The following DLC1 variants were observed in gnomAD, a reference collection of about 807,000 sequenced individuals.
DLC1 encodes the protein rho GTPase-activating protein 7.
Under a neutral mutation model 140.3 loss-of-function variants are expected in DLC1, and 54 were observed. That is an observed-to-expected ratio of 0.38 (90% CI 0.31 to 0.48). The LOEUF (loss-of-function observed/expected upper bound fraction) is 0.48, where lower values mean the gene tolerates loss of function less well. Among genes scored for constraint, DLC1 ranks in the 20% least tolerant of loss-of-function variants. DLC1 has a pLI of 0.96. For synonymous variants in DLC1, 986 were observed against 728.1 expected, an observed-to-expected ratio of 1.35 and a Z score of -5.70; for missense variants, 2,536 against 1,907.0, an observed-to-expected ratio of 1.33 and a Z score of -6.14.
intron 4 of DLC1, among the ~76,000 whole-genome samples, chr8:13,313,238 C>G (rs1356674894): frequency 6.6e-6 from 1 of 152,136 alleles, no homozygotes; most frequent in African/African-American, 2.4e-5. Context: ...TCCTCGTGTG[C>G]CTAGGTCTAG....
At chr8:13,353,444 G>A (rs751086041) in intron 4 of DLC1, 6 of 151,956 alleles carry the variant, frequency 3.9e-5, no homozygotes, top group Non-Finnish European at 5.9e-5. Context: ...ACTAGAGTGG[G>A]AATGAGTGTG....
At chr8:13,460,399 C>A (rs1799606223) in intron 2 of DLC1, among the ~76,000 whole-genome samples, 2 of 152,222 alleles carry the variant, frequency 1.3e-5, no homozygotes, top group African/African-American at 4.8e-5. Context: ...AAGCTCACTG[C>A]ACGTGTTCTG....
Position 13,304,357 on chromosome 8 carries a change from A to G in DLC1, c.1348+912T>C, listed in dbSNP as rs569001914. ...CTTTTCAACATTATTAAAGTGAAGA[A>G]ACGAGATACAGCCTAAACATGAGAG... On this transcript the variant is annotated intron_variant, in intron 5 of 17. Transcript: ENST00000276297. Among the ~76,000 whole-genome samples the G allele has an allele frequency of 2.0e-5, 3 of 152,316 alleles. No homozygotes were observed. In the East Asian group the frequency reaches 5.8e-4, roughly 29 times the overall value.
chr8:13,296,544 C>G (rs755305532), intron 5 of DLC1, among the ~76,000 whole-genome samples: 2 of 152,104 alleles, frequency 1.3e-5, no homozygotes, highest in Non-Finnish European at 2.9e-5. Context: ...AAAAGTCCAT[C>G]AAATATTATG....
chr8:13,434,171 C>A (rs1185985369), intron 2 of DLC1, among the ~76,000 whole-genome samples: 1 of 152,196 alleles, frequency 6.6e-6, no homozygotes, highest in African/African-American at 2.4e-5. Flanking sequence ...GCCACTGCGC[C>A]CAGCCACAAT....
intron 7 of DLC1, 61 bp downstream of exon 7, chr8:13,110,681 G>C (rs1820015916): frequency 3.4e-6 from 5 of 1,474,422 alleles, no homozygotes; most frequent in African/African-American, 1.4e-5. Context: ...GCCTATCTTT[G>C]TGAGAAGTAC....
At chr8:13,347,504 C>G (rs965121813) in intron 4 of DLC1, among the ~76,000 whole-genome samples, 3 of 152,172 alleles carry the variant, frequency 2.0e-5, no homozygotes, top group Admixed American at 6.5e-5. Flanking sequence ...TTAACCTCTC[C>G]TCTGCCACAT....
At chr8:13,181,324 T>TC (rs1320781186) in intron 5 of DLC1, among the ~76,000 whole-genome samples, 24 of 151,002 alleles carry the variant, frequency 1.6e-4, no homozygotes, top group African/African-American at 5.8e-4. Flanking sequence ...CTTTTTTTTT[T>TC]TTCTTTCTTT....
chr8:13,466,289 A>G (rs1390892441), intron 2 of DLC1, among the ~76,000 whole-genome samples: 1 of 151,824 alleles, frequency 6.6e-6, no homozygotes, highest in Non-Finnish European at 1.5e-5. Context: ...CAATACCCCC[A>G]CTTCCTGTTG....
chr8:13,559,090 C>T (rs576646546), intron 1 of DLC1: 1 of 152,232 alleles, frequency 6.6e-6, no homozygotes, highest in Non-Finnish European at 1.5e-5. Flanking sequence ...CTAGCCAGAA[C>T]AAAAGCTCAC....
chr8:13,093,993 T>A lies in DLC1; in HGVS notation c.3526+766A>T, dbSNP rs1213701418. On this transcript the variant is annotated intron_variant, in intron 12 of 17. Transcript: ENST00000276297. ...CAAGTATTTCTGGCAGAGACTGAGATGAATAACAGAAAAAGATTATTTATT... is the reference window on the plus strand; with the variant it reads ...CAAGTATTTCTGGCAGAGACTGAGAAGAATAACAGAAAAAGATTATTTATT... 3.9e-5 allele frequency among the ~76,000 whole-genome samples: 6 copies of A among 152,198 alleles called. No individual in the cohort carries two copies. The South Asian group carries it at 1.0e-3, about 26-fold the overall frequency.
Position 13,085,483 on chromosome 8 carries a change from A to G in DLC1, c.*328T>C, listed in dbSNP as rs1319569264. 2 of 211,916 alleles carry G rather than the reference A, an allele frequency of 9.4e-6. No homozygotes were observed. Among genetic ancestry groups the G allele is most frequent in the Non-Finnish European group, 1.9e-5 (2 of 104,402 alleles). 13.1% of individuals were successfully genotyped at this position (211,916 alleles called of 1,614,324 possible). On this transcript the variant is annotated 3_prime_UTR_variant, in exon 18 of 18. Transcript: ENST00000276297. ...AAGCGACACAGGTACGCATACACTG[A>G]TATCACAAGAGAATGAAGTATCTTC...
intron 5 of DLC1, among the ~76,000 whole-genome samples, chr8:13,277,915 T>A (rs1430483175): frequency 6.6e-6 from 1 of 152,240 alleles, no homozygotes; most frequent in Non-Finnish European, 1.5e-5. Flanking sequence ...CTCCTGAGTC[T>A]TCTAATTTCT....
intron 5 of DLC1, among the ~76,000 whole-genome samples, chr8:13,206,552 A>G (rs1049312669): frequency 6.6e-6 from 1 of 152,180 alleles, no homozygotes; most frequent in African/African-American, 2.4e-5. Context: ...TTTAACAAAT[A>G]TAATATTTCA....
chr8:13,450,714 T>C (rs537538204), intron 2 of DLC1, among the ~76,000 whole-genome samples: 2 of 152,166 alleles, frequency 1.3e-5, no homozygotes, highest in South Asian at 2.1e-4. Context: ...GCCATCAACA[T>C]AGTTCTCCAA....
In DLC1 at chr8:13,582,878, CTATATATATATATATATATATATATA is replaced by C. The variant is rs55681527; in HGVS notation, c.-126+21633_-126+21658del. 2.2e-4 allele frequency among the ~76,000 whole-genome samples: 23 copies of C among 103,086 alleles called. 1 individual carries two copies. The highest frequency in any genetic ancestry group is 7.8e-4 in the Admixed American group (7 of 8,936). The allele number at this position is 103,086 out of a possible 152,430, so 67.6% of individuals were successfully genotyped here. A position where few individuals can be genotyped will look rare whatever the true frequency, so the allele number is the denominator to read the frequency against. The stretch of plus-strand genomic sequence containing the variant: ...AGTTATGTTTACAATATACTGTGGT[CTATATATATATATATATATATATATA>C]TATATATATATATATGTGGTGTAAT... On this transcript the variant is annotated intron_variant, in intron 1 of 1. Transcript: ENST00000631382.
intron 4 of DLC1, among the ~76,000 whole-genome samples, chr8:13,353,782 G>A (rs553310836): frequency 4.6e-5 from 7 of 152,072 alleles, no homozygotes; most frequent in African/African-American, 1.4e-4. Context: ...GCTTGAACCC[G>A]GGAGGCAGAG....
intron 2 of DLC1, among the ~76,000 whole-genome samples, chr8:13,483,109 C>G (rs747741358): frequency 6.6e-6 from 1 of 152,088 alleles, no homozygotes; most frequent in Non-Finnish European, 1.5e-5. Flanking sequence ...TGGCTTCAGG[C>G]GCTCCTCTAC....
At chr8:13,551,124 A>G (rs1585265627) in intron 1 of DLC1, among the ~76,000 whole-genome samples, 1 of 150,606 alleles carries the variant, frequency 6.6e-6, no homozygotes, top group East Asian at 2.0e-4. Context: ...TCATTTGAAA[A>G]CTCTTTGGAA....
Sources: gnomAD v4.1 joint callset for allele counts (sites outside exome capture counted in the v4.1 genomes callset) on GRCh38, gnomAD v4.1.1 for gene constraint, MANE v1.5 for transcripts, NCBI Gene and HGNC (gene_info 2026-07-23, HGNC 2026-07-21) for gene names.